MAPK4: variants seen among roughly 807,000 people sequenced by gnomAD.
MAPK4 encodes the protein mitogen-activated protein kinase 4.
MAPK4 carries 22 observed loss-of-function variants against 47.7 expected under a neutral mutation model. The observed-to-expected ratio is 0.46, with a 90% confidence interval of 0.33 to 0.66. The LOEUF (loss-of-function observed/expected upper bound fraction) is 0.66, where lower values mean the gene tolerates loss of function less well. Among genes scored for constraint, MAPK4 ranks in the 30% least tolerant of loss-of-function variants. The pLI is 0.02. For missense variants in MAPK4, 736 were observed against 831.7 expected, an observed-to-expected ratio of 0.88 and a Z score of 1.42; for synonymous variants, 390 against 365.7, an observed-to-expected ratio of 1.07 and a Z score of -0.76.
intron 2 of MAPK4, among the ~76,000 whole-genome samples, chr18:50,700,813 T>C (rs1038854121): frequency 6.6e-6 from 1 of 152,180 alleles, no homozygotes; most frequent in Non-Finnish European, 1.5e-5. Context: ...GGGAATTTGC[T>C]TCTCTAGCTA....
intron 3 of MAPK4, among the ~76,000 whole-genome samples, 156 bp downstream of exon 3, chr18:50,715,379 T>C (rs968333075): frequency 2.0e-5 from 3 of 152,204 alleles, no homozygotes; most frequent in African/African-American, 7.2e-5. Flanking sequence ...CCTTATTATA[T>C]TGTCAGGCAA....
chr18:50,564,672 T>C (rs73430633), intron 1 of MAPK4, among the ~76,000 whole-genome samples: 1 of 152,364 alleles, frequency 6.6e-6, no homozygotes, highest in African/African-American at 2.4e-5. Flanking sequence ...AGACCTGATA[T>C]CCTAATCTGG....
At chr18:50,703,030 C>T (rs867741315) in intron 2 of MAPK4, among the ~76,000 whole-genome samples, 28 of 152,162 alleles carry the variant, frequency 1.8e-4, no homozygotes, top group Admixed American at 1.2e-3. Context: ...GATGTGGTTC[C>T]CTGTGAATAG....
intron 5 of MAPK4, among the ~76,000 whole-genome samples, chr18:50,727,861 G>C (rs1431817486): frequency 6.6e-6 from 1 of 152,196 alleles, no homozygotes; most frequent in Non-Finnish European, 1.5e-5. Context: ...ATAACACAAA[G>C]TCCACAGGGT....
chr18:50,715,897 C>T (rs534959481), intron 3 of MAPK4, among the ~76,000 whole-genome samples: 15 of 152,298 alleles, frequency 9.8e-5, no homozygotes, highest in Non-Finnish European at 2.1e-4. Flanking sequence ...CCTCCTCCCT[C>T]CCTGCCACTG....
chr18:50,661,626 G>T (rs1457379530), intron 1 of MAPK4, among the ~76,000 whole-genome samples: 1 of 152,184 alleles, frequency 6.6e-6, no homozygotes, highest in African/African-American at 2.4e-5. Flanking sequence ...GGGCATGGAG[G>T]TGGGAATGCT....
At chr18:50,707,773 C>T (rs1447023703) in intron 2 of MAPK4, among the ~76,000 whole-genome samples, 1 of 151,930 alleles carries the variant, frequency 6.6e-6, no homozygotes, top group Non-Finnish European at 1.5e-5. Context: ...CCACACAGGG[C>T]CTGGAGTGTC....
intron 2 of MAPK4, among the ~76,000 whole-genome samples, chr18:50,713,173 T>C (rs1255213773): frequency 6.6e-6 from 1 of 152,234 alleles, no homozygotes; most frequent in Non-Finnish European, 1.5e-5. Flanking sequence ...AATTGTTACG[T>C]ATCTTGATTG....
chr18:50,679,553 A>G (rs1908464938), intron 2 of MAPK4, among the ~76,000 whole-genome samples: 1 of 152,146 alleles, frequency 6.6e-6, no homozygotes, highest in Non-Finnish European at 1.5e-5. Flanking sequence ...AGATGAGCAC[A>G]AAGGAGCCCC....
intron 3 of MAPK4, among the ~76,000 whole-genome samples, chr18:50,720,952 T>A (rs1200475322): frequency 6.6e-6 from 1 of 152,142 alleles, no homozygotes; most frequent in African/African-American, 2.4e-5. Context: ...AAGACTGGAA[T>A]CCCATGGGAA....
chr18:50,669,040 A>G (rs1401531643), intron 2 of MAPK4, among the ~76,000 whole-genome samples: 1 of 152,206 alleles, frequency 6.6e-6, no homozygotes, highest in Non-Finnish European at 1.5e-5. Context: ...AAGAGATGCC[A>G]CGGCAATGCC....
chr18:50,623,471 T>A (rs79121516), intron 1 of MAPK4, among the ~76,000 whole-genome samples: 18,423 of 152,186 alleles, frequency 0.12, 1,201 homozygotes, highest in Middle Eastern at 0.21. Context: ...GCCCTTCCTG[T>A]CCTCAGTCTT....
intron 1 of MAPK4, among the ~76,000 whole-genome samples, chr18:50,611,937 G>A (rs1331663986): frequency 2.0e-5 from 3 of 152,140 alleles, no homozygotes; most frequent in Admixed American, 2.0e-4. Context: ...AATCTTTAAA[G>A]ATCGAAGTAT....
chr18:50,589,595 CAAA>C (rs35570696), intron 1 of MAPK4, among the ~76,000 whole-genome samples: 3 of 116,456 alleles, frequency 2.6e-5, no homozygotes, highest in Admixed American at 1.7e-4. Context: ...GACTCCGTCT[CAAA>C]AAAAAAAAAA....
chr18:50,577,269 C>T (rs996515238), intron 1 of MAPK4, among the ~76,000 whole-genome samples: 3 of 152,018 alleles, frequency 2.0e-5, no homozygotes, highest in Non-Finnish European at 4.4e-5. Flanking sequence ...TGCATACACT[C>T]CCTACACACC....
chr18:50,632,251 G>A (rs2042837817), intron 1 of MAPK4, among the ~76,000 whole-genome samples: 1 of 152,188 alleles, frequency 6.6e-6, no homozygotes, highest in African/African-American at 2.4e-5. Flanking sequence ...ATTTCACGTG[G>A]CTGGGAGTTA....
At chr18:50,577,893 T>A (rs1598790492) in intron 1 of MAPK4, among the ~76,000 whole-genome samples, 1 of 152,226 alleles carries the variant, frequency 6.6e-6, no homozygotes, top group East Asian at 1.9e-4. Context: ...GAGTGGCACA[T>A]CTGCCTGTCA....
intron 1 of MAPK4, among the ~76,000 whole-genome samples, chr18:50,574,302 T>C (rs2042276117): frequency 6.6e-6 from 1 of 152,232 alleles, no homozygotes; most frequent in African/African-American, 2.4e-5. Flanking sequence ...TAAGGTATTT[T>C]CTCCCAAATA....
chr18:50,580,727 G>A (rs577917501), intron 1 of MAPK4, among the ~76,000 whole-genome samples: 19 of 152,276 alleles, frequency 1.2e-4, no homozygotes, highest in South Asian at 2.1e-4. Context: ...GCCCTGCTCC[G>A]TGGAACAGCA....
Sources: gnomAD v4.1 joint callset for allele counts (sites outside exome capture counted in the v4.1 genomes callset) on GRCh38, gnomAD v4.1.1 for gene constraint, MANE v1.5 for transcripts, NCBI Gene and HGNC (gene_info 2026-07-23, HGNC 2026-07-21) for gene names.